COL23A1: variants seen among roughly 807,000 people sequenced by gnomAD.
COL23A1 encodes the protein collagen type XXIII alpha 1 chain.
A neutral mutation model predicts 99.3 loss-of-function variants in COL23A1; 97 were observed. The ratio of observed to expected loss-of-function variants is 0.98; its 90% CI spans 0.83 to 1.16. The LOEUF (loss-of-function observed/expected upper bound fraction) is 1.16. Ranked by LOEUF, COL23A1 falls within the 50% of genes most tolerant of loss-of-function variation. COL23A1 has a pLI of 0.00. For missense variants in COL23A1, 762 were observed against 757.4 expected, an observed-to-expected ratio of 1.01 and a Z score of -0.07; for synonymous variants, 320 against 308.2, an observed-to-expected ratio of 1.04 and a Z score of -0.40.
chr5:178,401,983 T>C (rs1764474280), intron 2 of COL23A1, among the ~76,000 whole-genome samples: 3 of 152,110 alleles, frequency 2.0e-5, no homozygotes, highest in African/African-American at 7.2e-5. Context: ...GCTCGGCTAA[T>C]TTTTGTATTT....
chr5:178,540,163 C>T (rs1419430778), intron 2 of COL23A1, among the ~76,000 whole-genome samples: 2 of 151,906 alleles, frequency 1.3e-5, no homozygotes, highest in Admixed American at 6.6e-5. Flanking sequence ...TACTGAAGGT[C>T]TTAGACAATC....
chr5:178,400,945 G>C (rs757523383), intron 2 of COL23A1, among the ~76,000 whole-genome samples: 3 of 152,148 alleles, frequency 2.0e-5, no homozygotes, highest in Non-Finnish European at 4.4e-5. Context: ...GCTATCTCCA[G>C]AACTTTTAAA....
At position 178,280,127 on chromosome 5, in the gene COL23A1, G is replaced by A. The variant is rs972882966; in HGVS notation, c.441+8197C>T. 6.6e-6 allele frequency among the ~76,000 whole-genome samples: 1 copy of A among 152,248 alleles called. No homozygotes were observed. The highest frequency in any genetic ancestry group is 2.4e-5 in the African/African-American group (1 of 41,466). ...TCCATCCTGCTGGCTCTCGTGCCCG[G>A]CCAGGGAACACTAGAGGGCGCGCTT... is the stretch of plus-strand genomic sequence containing the variant. On this transcript the variant is annotated intron_variant, in intron 5 of 28. Coordinates refer to ENST00000390654, the MANE Select transcript of COL23A1 (RefSeq NM_173465.4). The surrounding 1 kb of genome is among the most constrained non-coding windows in gnomAD (Gnocchi z 4.9).
At chr5:178,429,825 G>A (rs1196814271) in intron 2 of COL23A1, among the ~76,000 whole-genome samples, 3 of 152,132 alleles carry the variant, frequency 2.0e-5, no homozygotes, top group African/African-American at 7.2e-5. Flanking sequence ...TGCTTAGAGG[G>A]TCTACAGTGT....
chr5:178,412,996 T>C (rs1051922498), intron 2 of COL23A1, among the ~76,000 whole-genome samples: 2 of 143,772 alleles, frequency 1.4e-5, no homozygotes, highest in African/African-American at 5.3e-5. Context: ...ATTCTGAGCC[T>C]GGGCAACATA....
chr5:178,576,792 T>G (rs929563949), intron 1 of COL23A1, among the ~76,000 whole-genome samples: 1 of 151,684 alleles, frequency 6.6e-6, no homozygotes, highest in Non-Finnish European at 1.5e-5. Context: ...CTCGGTCCTG[T>G]CCTCCGAGGC....
chr5:178,375,894 G>A (rs936220489), intron 2 of COL23A1, among the ~76,000 whole-genome samples: 1 of 152,124 alleles, frequency 6.6e-6, no homozygotes, highest in African/African-American at 2.4e-5. Flanking sequence ...TTTTAGTAGA[G>A]ACAGGGTTTC....
chr5:178,584,003 C>T (rs1763790212), intron 1 of COL23A1, among the ~76,000 whole-genome samples: 1 of 152,274 alleles, frequency 6.6e-6, no homozygotes, highest in East Asian at 1.9e-4. Flanking sequence ...AGCTGGTCTA[C>T]AGGCTTGCGC....
chr5:178,365,727 T>C lies in COL23A1; in HGVS notation c.362-58808A>G, dbSNP rs150039724. On this transcript the variant is annotated intron_variant, in intron 2 of 28. Coordinates refer to ENST00000390654, the MANE Select transcript of COL23A1 (RefSeq NM_173465.4). This position sits in a 1 kb window ranked among gnomAD's most constrained non-coding sequence, Gnocchi z 5.2. ...TTCCTGTTCTCTGCCTGGAAAGCCATGTCTTGTTCTCCACGCCCAGTTCTG... is the reference window on the plus strand; with the variant it reads ...TTCCTGTTCTCTGCCTGGAAAGCCACGTCTTGTTCTCCACGCCCAGTTCTG... 9.7e-4 allele frequency among the ~76,000 whole-genome samples: 147 copies of C among 152,284 alleles called. No homozygotes were observed. The highest frequency in any genetic ancestry group is 3.4e-3 in the African/African-American group (140 of 41,556).
intron 2 of COL23A1, among the ~76,000 whole-genome samples, chr5:178,517,048 C>G (rs1323403287): frequency 6.6e-6 from 1 of 152,230 alleles, no homozygotes; most frequent in African/African-American, 2.4e-5. Context: ...CTCCAGGCTG[C>G]GGGGTGCTGC....
rs372024251 is a variant in COL23A1 at position 178,415,831 on chromosome 5, C to T, written c.362-108912G>A. ...GACTGAAAACTCCTCGAGGGCACAA[C>T]TGCAGACATCAGGGGCAGGATAAGG... On this transcript the variant is annotated intron_variant, in intron 2 of 28. Coordinates refer to ENST00000390654, the MANE Select transcript of COL23A1 (RefSeq NM_173465.4). The surrounding 1 kb of genome is among the most constrained non-coding windows in gnomAD (Gnocchi z 4.6). 1.8e-4 allele frequency among the ~76,000 whole-genome samples: 28 copies of T among 152,246 alleles called. No homozygotes were observed. The East Asian group carries it at 2.7e-3, about 15-fold the overall frequency.
chr5:178,386,210 G>A (rs994890502), intron 2 of COL23A1, among the ~76,000 whole-genome samples: 26 of 152,178 alleles, frequency 1.7e-4, no homozygotes, highest in African/African-American at 5.3e-4. Context: ...AGGCTAAGGC[G>A]GGTGGATTGT....
intron 2 of COL23A1, among the ~76,000 whole-genome samples, chr5:178,361,256 G>A (rs1328200359): frequency 6.6e-6 from 1 of 152,200 alleles, no homozygotes. Flanking sequence ...AAATTGACAA[G>A]TATTAAAGGA....
intron 2 of COL23A1, among the ~76,000 whole-genome samples, chr5:178,547,307 A>T (rs1761637363): frequency 6.6e-6 from 1 of 151,922 alleles, no homozygotes; most frequent in Non-Finnish European, 1.5e-5. Context: ...CACCTCTATG[A>T]CCGGCAGTGA....
intron 2 of COL23A1, among the ~76,000 whole-genome samples, chr5:178,513,294 C>A (rs1759317764): frequency 6.6e-6 from 1 of 152,196 alleles, no homozygotes; most frequent in Admixed American, 6.5e-5. Flanking sequence ...CTTACATCCC[C>A]CCTGCAACCT....
At chr5:178,251,915 T>C (rs925534277) in intron 17 of COL23A1, among the ~76,000 whole-genome samples, 1 of 135,980 alleles carries the variant, frequency 7.4e-6, no homozygotes, top group African/African-American at 2.5e-5. Context: ...TTTTCTTTTT[T>C]TTTTTTTTTT....
intron 6 of COL23A1, 94 bp from the exon 7 acceptor site, chr5:178,268,850 C>T: frequency 7.5e-7 from 1 of 1,327,556 alleles, no homozygotes; most frequent in Non-Finnish European, 1.0e-6. Context: ...GCAGAAGGGC[C>T]CGTGATGCTG....
At chr5:178,545,157 T>TG (rs1031732770) in intron 2 of COL23A1, among the ~76,000 whole-genome samples, 2 of 127,920 alleles carry the variant, frequency 1.6e-5, no homozygotes, top group Non-Finnish European at 3.3e-5. Flanking sequence ...ATAGAGGGGG[T>TG]GGGGGGTGTT....
chr5:178,268,628 G>T (rs1756042914), intron 7 of COL23A1, 102 bp downstream of exon 7: 1 of 1,174,350 alleles, frequency 8.5e-7, no homozygotes, highest in Non-Finnish European at 1.2e-6. Context: ...TCTAGGAGGG[G>T]CTGTGATGTG....
Sources: gnomAD v4.1 joint callset for allele counts (sites outside exome capture counted in the v4.1 genomes callset) on GRCh38, gnomAD v4.1.1 for gene constraint, Gnocchi (gnomAD v3.1) non-coding constraint, MANE v1.5 for transcripts, NCBI Gene and HGNC (gene_info 2026-07-23, HGNC 2026-07-21) for gene names.